The following KLHL4 variants were observed in gnomAD, a reference collection of about 807,000 sequenced individuals.
KLHL4 encodes the protein kelch like family member 4.
In KLHL4, 17 loss-of-function variants were observed where a neutral mutation model predicts 45.8. That is an observed-to-expected ratio of 0.37 (90% confidence interval 0.25 to 0.56). The LOEUF is 0.56. Ranked by LOEUF, KLHL4 falls within the 20% of genes least tolerant of loss-of-function variation. KLHL4 has a pLI of 0.79. For synonymous variants in KLHL4, 224 were observed against 189.9 expected, an observed-to-expected ratio of 1.18 and a Z score of -1.47; for missense variants, 544 against 544.9, an observed-to-expected ratio of 1.00 and a Z score of 0.02.
intron 1 of KLHL4, among the ~76,000 whole-genome samples, chrX:87,560,547 G>A (rs747232194): frequency 1.3e-4 from 14 of 111,407 alleles, no homozygotes; most frequent in East Asian, 1.1e-3. Context: ...TTGTATAGCA[G>A]ATCTCCGTAA....
intron 6 of KLHL4, among the ~76,000 whole-genome samples, chrX:87,627,357 G>GA (rs1357932324): frequency 2.2e-3 from 229 of 104,511 alleles, no homozygotes; most frequent in African/African-American, 7.7e-3. Flanking sequence ...AAAGGGGATA[G>GA]AAAAAAAAAA....
At chrX:87,549,919 C>G (rs929706317) in intron 1 of KLHL4, among the ~76,000 whole-genome samples, 2 of 110,730 alleles carry the variant, frequency 1.8e-5, no homozygotes, top group Admixed American at 9.6e-5. Context: ...TAAAGATGAC[C>G]TTAGGAATAA....
chrX:87,548,998 T>A (rs1297296653), intron 1 of KLHL4, among the ~76,000 whole-genome samples: 1 of 109,843 alleles, frequency 9.1e-6, no homozygotes, highest in Non-Finnish European at 1.9e-5. Flanking sequence ...ATGAAAAAAA[T>A]TGCCTATTGA....
At chrX:87,542,144 T>C (rs1337320838) in intron 1 of KLHL4, among the ~76,000 whole-genome samples, 2 of 111,948 alleles carry the variant, frequency 1.8e-5, no homozygotes, top group Non-Finnish European at 3.8e-5. Context: ...AAGCTTACAG[T>C]TGTATGTGTT....
chrX:87,633,903 AAAC>A lies in KLHL4; in HGVS notation c.1710_1712del (p.Asn570del). 4 of 1,201,816 alleles carry A rather than the reference AAAC, an allele frequency of 3.3e-6. No homozygotes were observed. Among genetic ancestry groups the A allele is most frequent in the Non-Finnish European group, 4.5e-6 (4 of 890,280 alleles). On this transcript the variant is annotated inframe_deletion, in exon 8 of 11. Coordinates refer to ENST00000373119, the MANE Select transcript of KLHL4 (RefSeq NM_019117.5). Reference sequence around the variant, plus strand: ...GAAGCACAGTTGGTGTTGTTGCATTAAACAACAAGTGAGTAAGTTGAAACACAC... The same window carrying A: ...GAAGCACAGTTGGTGTTGTTGCATTAAACAAGTGAGTAAGTTGAAACACAC...
chrX:87,547,726 C>T (rs1419051782), intron 1 of KLHL4, among the ~76,000 whole-genome samples: 1 of 110,543 alleles, frequency 9.0e-6, no homozygotes, highest in Non-Finnish European at 1.9e-5. Flanking sequence ...GAGGCTGAGG[C>T]AGAAGAATGG....
intron 1 of KLHL4, among the ~76,000 whole-genome samples, chrX:87,609,875 TAA>T (rs1369395867): frequency 9.0e-6 from 1 of 111,401 alleles, no homozygotes. Flanking sequence ...CCACATAAAC[TAA>T]AAGAGTGAGA....
At chrX:87,578,750 C>G (rs1921174906) in intron 1 of KLHL4, among the ~76,000 whole-genome samples, 1 of 112,108 alleles carries the variant, frequency 8.9e-6, no homozygotes, top group Non-Finnish European at 1.9e-5. Context: ...TTTTGGTGTG[C>G]CACTCAAGAC....
At chrX:87,599,269 C>A (rs992323814) in intron 1 of KLHL4, among the ~76,000 whole-genome samples, 1 of 110,691 alleles carries the variant, frequency 9.0e-6, no homozygotes, top group East Asian at 2.8e-4. Flanking sequence ...CCTTAAGTCC[C>A]CACTGCCAGA....
At chrX:87,579,677 A>T (rs754034662) in intron 1 of KLHL4, among the ~76,000 whole-genome samples, 82 of 112,176 alleles carry the variant, frequency 7.3e-4, no homozygotes, top group African/African-American at 2.6e-3. Context: ...AGGTAGTAGG[A>T]TGATATATTC....
At chrX:87,628,662 G>T (rs765324695) in intron 6 of KLHL4, among the ~76,000 whole-genome samples, 7 of 111,480 alleles carry the variant, frequency 6.3e-5, no homozygotes, top group Non-Finnish European at 1.3e-4. Context: ...CACCACCAAA[G>T]AACTTACCCA....
At chrX:87,644,308 CA>C (rs1293105558) in intron 9 of KLHL4, among the ~76,000 whole-genome samples, 4 of 110,676 alleles carry the variant, frequency 3.6e-5, no homozygotes, top group African/African-American at 9.8e-5. Flanking sequence ...ACAATAGCTG[CA>C]AAAAAATAAA....
At chrX:87,532,509 A>T (rs1473583067) in intron 1 of KLHL4, among the ~76,000 whole-genome samples, 2 of 105,299 alleles carry the variant, frequency 1.9e-5, no homozygotes, top group African/African-American at 6.9e-5. Context: ...CATTGAATCT[A>T]TAAATTACCT....
intron 1 of KLHL4, among the ~76,000 whole-genome samples, chrX:87,520,057 C>T (rs1172229283): frequency 2.7e-5 from 3 of 112,195 alleles, no homozygotes; most frequent in Non-Finnish European, 5.6e-5. Flanking sequence ...GGAAAGCTAA[C>T]GTTTTCTTAA....
At chrX:87,566,723 A>G (rs1478474696) in intron 1 of KLHL4, among the ~76,000 whole-genome samples, 1 of 111,914 alleles carries the variant, frequency 8.9e-6, no homozygotes, top group Non-Finnish European at 1.9e-5. Flanking sequence ...GCGTCATAGT[A>G]AAAGGATTTT....
At chrX:87,535,640 G>A (rs1219171206) in intron 1 of KLHL4, among the ~76,000 whole-genome samples, 1 of 110,624 alleles carries the variant, frequency 9.0e-6, no homozygotes, top group African/African-American at 3.3e-5. Flanking sequence ...TCTCTGGTTG[G>A]GGATTCATCC....
At chrX:87,545,873 T>A (rs1931668541) in intron 1 of KLHL4, among the ~76,000 whole-genome samples, 1 of 111,174 alleles carries the variant, frequency 9.0e-6, no homozygotes, top group Admixed American at 9.6e-5. Context: ...TGGGAACCGG[T>A]GTAAAGGTGA....
intron 1 of KLHL4, among the ~76,000 whole-genome samples, chrX:87,567,497 A>G (rs1932239444): frequency 9.0e-6 from 1 of 111,563 alleles, no homozygotes; most frequent in African/African-American, 3.3e-5. Flanking sequence ...GAAAGCAGGG[A>G]CAAGTAGGTA....
chrX:87,539,698 A>G (rs1209003106), intron 1 of KLHL4, among the ~76,000 whole-genome samples: 2 of 111,044 alleles, frequency 1.8e-5, no homozygotes, highest in African/African-American at 3.3e-5. Context: ...TCCTGTACTT[A>G]ATGGCAAATA....
Sources: allele counts gnomAD v4.1 joint callset (sites outside exome capture counted in the v4.1 genomes callset), GRCh38; gene constraint gnomAD v4.1.1; transcripts MANE v1.5; gene names NCBI Gene and HGNC (gene_info 2026-07-23, HGNC 2026-07-21).